The following PPP1R9A variants were observed in gnomAD, a reference collection of about 807,000 sequenced individuals.
PPP1R9A encodes neurabin-1.
A neutral mutation model predicts 141.9 loss-of-function variants in PPP1R9A; 59 were observed. The ratio of observed to expected loss-of-function variants is 0.42; its 90% CI spans 0.34 to 0.52. PPP1R9A has a LOEUF of 0.52. Among genes scored for constraint, PPP1R9A ranks in the 20% least tolerant of loss-of-function variants. The pLI is 0.10. For synonymous variants in PPP1R9A, 500 were observed against 569.7 expected, an observed-to-expected ratio of 0.88 and a Z score of 1.74; for missense variants, 1,444 against 1,611.9, an observed-to-expected ratio of 0.90 and a Z score of 1.78.
At chr7:95,243,170 C>A (rs1797692325) in intron 8 of PPP1R9A, among the ~76,000 whole-genome samples, 1 of 152,114 alleles carries the variant, frequency 6.6e-6, no homozygotes, top group African/African-American at 2.4e-5. Flanking sequence ...CACGTCTGGA[C>A]AAACAGGCCA....
intron 16 of PPP1R9A, among the ~76,000 whole-genome samples, chr7:95,274,703 G>A (rs944415087): frequency 8.5e-5 from 13 of 152,124 alleles, no homozygotes; most frequent in Admixed American, 2.6e-4. Flanking sequence ...CATAAAGAGC[G>A]AGCTTTGAAC....
At chr7:95,162,424 A>G (rs1830589278) in intron 5 of PPP1R9A, among the ~76,000 whole-genome samples, 1 of 152,214 alleles carries the variant, frequency 6.6e-6, no homozygotes, top group African/African-American at 2.4e-5. Context: ...GCCATGACCA[A>G]TGTTTGATGA....
intron 7 of PPP1R9A, among the ~76,000 whole-genome samples, chr7:95,214,861 T>G (rs1475230794): frequency 6.6e-6 from 1 of 152,202 alleles, no homozygotes; most frequent in Admixed American, 6.5e-5. Flanking sequence ...GGTGAGAGCC[T>G]GAAGGTAAGG....
At position 95,083,271 on chromosome 7, in the gene PPP1R9A, A is replaced by C. The variant is rs937579185; in HGVS notation, c.1396-27988A>C. The stretch of plus-strand genomic sequence containing the variant: ...CAAAAGGGTATGATCTAATGATAAT[A>C]AACTAGGGGAACTTGGCAATGTCTG... On this transcript the variant is annotated intron_variant, in intron 2 of 19. Transcript: ENST00000433360. Among the ~76,000 whole-genome samples, 6 of 151,958 alleles carry C rather than the reference A, an allele frequency of 3.9e-5. No homozygotes were observed. The East Asian group carries it at 1.2e-3, about 29-fold the overall frequency.
At chr7:95,148,831 A>G (rs1478672830) in intron 4 of PPP1R9A, among the ~76,000 whole-genome samples, 1 of 152,166 alleles carries the variant, frequency 6.6e-6, no homozygotes, top group Non-Finnish European at 1.5e-5. Flanking sequence ...AAAAGCAAAG[A>G]TAATAAATAC....
At chr7:95,149,212 C>T (rs1242605414) in intron 4 of PPP1R9A, among the ~76,000 whole-genome samples, 1 of 151,682 alleles carries the variant, frequency 6.6e-6, no homozygotes, top group Non-Finnish European at 1.5e-5. Flanking sequence ...ATGAGAAAAA[C>T]TCTAAGTATA....
intron 2 of PPP1R9A, among the ~76,000 whole-genome samples, chr7:95,080,304 CAG>C (rs1209181533): frequency 6.6e-6 from 1 of 151,860 alleles, no homozygotes; most frequent in Non-Finnish European, 1.5e-5. Flanking sequence ...AACAGACAAA[CAG>C]AGAGCCAAAT....
intron 2 of PPP1R9A, among the ~76,000 whole-genome samples, chr7:95,072,341 TAA>T (rs1348904525): frequency 8.3e-5 from 12 of 144,576 alleles, no homozygotes; most frequent in East Asian, 5.9e-4. Context: ...TATAATAATA[TAA>T]GTTATATTAT....
intron 4 of PPP1R9A, among the ~76,000 whole-genome samples, chr7:95,149,808 T>C (rs1486653327): frequency 1.4e-5 from 2 of 139,202 alleles, no homozygotes; most frequent in African/African-American, 5.0e-5. Context: ...CAATGAAATT[T>C]CAATCCAAAT....
intron 2 of PPP1R9A, among the ~76,000 whole-genome samples, chr7:94,942,896 C>T (rs1175105468): frequency 6.6e-6 from 1 of 151,814 alleles, no homozygotes; most frequent in Non-Finnish European, 1.5e-5. Context: ...GTGATCATTT[C>T]TTTAGGTGAA....
At chr7:95,106,508 C>T (rs975588664) in intron 2 of PPP1R9A, among the ~76,000 whole-genome samples, 1 of 152,106 alleles carries the variant, frequency 6.6e-6, no homozygotes, top group Non-Finnish European at 1.5e-5. Flanking sequence ...TACATCTCTT[C>T]AATCACTGCA....
intron 7 of PPP1R9A, among the ~76,000 whole-genome samples, chr7:95,215,062 G>C (rs1451728016): frequency 6.6e-6 from 1 of 151,834 alleles, no homozygotes; most frequent in African/African-American, 2.4e-5. Flanking sequence ...ATGTTGGTAT[G>C]CTGCACCCAT....
chr7:95,039,299 G>A (rs1808877983), intron 2 of PPP1R9A, among the ~76,000 whole-genome samples: 1 of 152,194 alleles, frequency 6.6e-6, no homozygotes, highest in African/African-American at 2.4e-5. Flanking sequence ...GCCAGGCACA[G>A]TGGCTTATGC....
chr7:95,194,766 T>C (rs1174373484), intron 5 of PPP1R9A, among the ~76,000 whole-genome samples: 4 of 150,306 alleles, frequency 2.7e-5, no homozygotes, highest in African/African-American at 7.3e-5. Flanking sequence ...TTAACAAACA[T>C]TTTTTAAGAC....
chr7:95,242,399 A>T (rs1000444032), intron 8 of PPP1R9A, among the ~76,000 whole-genome samples: 13 of 152,172 alleles, frequency 8.5e-5, no homozygotes, highest in African/African-American at 2.9e-4. Context: ...AGCTCTCTTA[A>T]AACATTTCCT....
intron 14 of PPP1R9A, among the ~76,000 whole-genome samples, chr7:95,273,470 C>G (rs111650285): frequency 4.1e-4 from 62 of 152,242 alleles, no homozygotes; most frequent in African/African-American, 1.2e-3. Context: ...TTTGGAGATA[C>G]GGGAGAAGTG....
intron 7 of PPP1R9A, among the ~76,000 whole-genome samples, chr7:95,211,263 A>G (rs1015513366): frequency 2.9e-4 from 44 of 152,266 alleles, no homozygotes; most frequent in African/African-American, 1.0e-3. Flanking sequence ...CTCATGACCA[A>G]CAGGATTGGA....
At chr7:94,931,750 G>T (rs1016294198) in intron 2 of PPP1R9A, among the ~76,000 whole-genome samples, 1 of 152,074 alleles carries the variant, frequency 6.6e-6, no homozygotes, top group African/African-American at 2.4e-5. Flanking sequence ...GGCTAATTTC[G>T]TATTTTTAGT....
chr7:95,032,773 T>A (rs1807866297), intron 2 of PPP1R9A, among the ~76,000 whole-genome samples: 1 of 152,124 alleles, frequency 6.6e-6, no homozygotes. Flanking sequence ...TATACAAAAG[T>A]GTGTAAAACT....
Sources: allele counts gnomAD v4.1 joint callset (sites outside exome capture counted in the v4.1 genomes callset), GRCh38; gene constraint gnomAD v4.1.1; transcripts MANE v1.5; gene names NCBI Gene and HGNC (gene_info 2026-07-23, HGNC 2026-07-21).